Variants in COBL observed in about 807,000 individuals in gnomAD.
The protein encoded by COBL is protein cordon-bleu.
In COBL, 51 loss-of-function variants were observed where a neutral mutation model predicts 98.8. The ratio of observed to expected loss-of-function variants is 0.52; its 90% CI spans 0.41 to 0.65. The LOEUF (loss-of-function observed/expected upper bound fraction) is 0.65, where lower values mean the gene tolerates loss of function less well. Among genes scored for constraint, COBL ranks in the 30% least tolerant of loss-of-function variants. COBL has a pLI of 0.00. For synonymous variants in COBL, 634 were observed against 651.7 expected (o/e 0.97, Z 0.41); for missense variants, 1,617 against 1,617.5 (o/e 1.00, Z 0.01).
At chr7:51,039,854 T>G (rs1788997034) in intron 8 of COBL, among the ~76,000 whole-genome samples, 1 of 152,208 alleles carries the variant, frequency 6.6e-6, no homozygotes, top group Admixed American at 6.5e-5. Context: ...AGACATCACA[T>G]AAAAATCTAG....
intron 5 of COBL, among the ~76,000 whole-genome samples, chr7:51,140,567 A>C (rs1282082018): frequency 6.6e-6 from 1 of 152,172 alleles, no homozygotes; most frequent in East Asian, 1.9e-4. Context: ...ATATATATGT[A>C]CATATTTGAT....
intron 1 of COBL, 69 bp downstream of exon 1, chr7:51,316,524 G>A (rs1272561415): frequency 8.8e-7 from 1 of 1,131,478 alleles, no homozygotes; most frequent in Non-Finnish European, 1.1e-6. Context: ...GGGAGCGCGC[G>A]GTGCGGACGC....
chr7:51,061,950 T>TACACACACACACACACACACAC (rs3047134), intron 7 of COBL, among the ~76,000 whole-genome samples: 2 of 145,448 alleles, frequency 1.4e-5, no homozygotes, highest in African/African-American at 5.4e-5. Context: ...CCACCATAGA[T>TACACACACACACACACACACAC]ACACACACAC....
At chr7:51,133,595 G>A (rs545966087) in intron 6 of COBL, among the ~76,000 whole-genome samples, 10 of 152,276 alleles carry the variant, frequency 6.6e-5, no homozygotes, top group African/African-American at 1.9e-4. Context: ...TCTGATGCCC[G>A]CTCAAGTCTC....
At chr7:51,140,073 G>A (rs1479917496) in intron 5 of COBL, among the ~76,000 whole-genome samples, 1 of 152,188 alleles carries the variant, frequency 6.6e-6, no homozygotes, top group Non-Finnish European at 1.5e-5. Context: ...AAAATCCACA[G>A]ATGTTGGCAG....
chr7:51,224,126 C>T lies in COBL; in HGVS notation c.42-4182G>A, dbSNP rs577145410. 3.3e-5 allele frequency among the ~76,000 whole-genome samples: 5 copies of T among 152,316 alleles called. No homozygotes were observed. In the South Asian group the frequency reaches 1.0e-3, roughly 32 times the overall value. Reference sequence around the variant, plus strand: ...CCCAGGAACAATAGGCTACAGCATACAGCTAGGTGTGTAGTAGGCTCTACC... The same window carrying T: ...CCCAGGAACAATAGGCTACAGCATATAGCTAGGTGTGTAGTAGGCTCTACC... On this transcript the variant is annotated intron_variant, in intron 1 of 12. Transcript: ENST00000265136.
chr7:51,042,888 C>G (rs773040111), intron 8 of COBL, among the ~76,000 whole-genome samples: 13 of 152,198 alleles, frequency 8.5e-5, no homozygotes, highest in Non-Finnish European at 4.4e-5. Context: ...ACCTTGCAGA[C>G]ACTGGGGGGC....
chr7:51,070,656 G>A (rs1202969624), intron 7 of COBL, among the ~76,000 whole-genome samples: 2 of 152,186 alleles, frequency 1.3e-5, no homozygotes, highest in East Asian at 3.8e-4. Context: ...TACATTACAT[G>A]AGCTATGGAA....
chr7:51,217,684 G>GC (rs1793209776), intron 2 of COBL, among the ~76,000 whole-genome samples: 1 of 151,980 alleles, frequency 6.6e-6, no homozygotes, highest in East Asian at 1.9e-4. Context: ...CTAGGAATTG[G>GC]GCTAAAATAT....
At chr7:51,102,271 A>G (rs900566479) in intron 6 of COBL, among the ~76,000 whole-genome samples, 18 of 152,206 alleles carry the variant, frequency 1.2e-4, no homozygotes, top group South Asian at 6.2e-4. Flanking sequence ...ACTTTCCCCA[A>G]TAGCAGAAAC....
intron 6 of COBL, among the ~76,000 whole-genome samples, chr7:51,133,314 T>G (rs1309389350): frequency 6.6e-6 from 1 of 152,212 alleles, no homozygotes; most frequent in East Asian, 1.9e-4. Flanking sequence ...TATGGAAAAC[T>G]GCATATAATT....
chr7:51,078,171 T>C (rs1391422694), intron 7 of COBL, among the ~76,000 whole-genome samples: 1 of 152,204 alleles, frequency 6.6e-6, no homozygotes, highest in African/African-American at 2.4e-5. Context: ...CTAAGGTCAT[T>C]CCATTCTTGC....
At chr7:51,227,884 A>G (rs1794357613) in intron 1 of COBL, among the ~76,000 whole-genome samples, 2 of 152,212 alleles carry the variant, frequency 1.3e-5, no homozygotes, top group South Asian at 4.1e-4. Context: ...GAAAGCCAGA[A>G]AAACAGTCAA....
chr7:51,122,377 G>T (rs1439895238), intron 6 of COBL, among the ~76,000 whole-genome samples: 2 of 152,186 alleles, frequency 1.3e-5, no homozygotes, highest in African/African-American at 4.8e-5. Flanking sequence ...GTGTCGGACA[G>T]GAACTCGGCT....
chr7:51,147,899 C>T (rs768910440), intron 5 of COBL, among the ~76,000 whole-genome samples: 50 of 151,994 alleles, frequency 3.3e-4, no homozygotes, highest in East Asian at 7.8e-4. Context: ...TACAGGCACC[C>T]GCCACCACAC....
intron 4 of COBL, among the ~76,000 whole-genome samples, chr7:51,189,267 C>T (rs1208109197): frequency 1.3e-5 from 2 of 152,086 alleles, no homozygotes; most frequent in African/African-American, 4.8e-5. Context: ...AAGACAAGGG[C>T]GGACTTGGCG....
At chr7:51,237,538 T>TAAAAA (rs5884200) in intron 1 of COBL, among the ~76,000 whole-genome samples, 14 of 132,752 alleles carry the variant, frequency 1.1e-4, no homozygotes, top group South Asian at 2.4e-4. Flanking sequence ...TTTTTTTTCT[T>TAAAAA]AAAAAAAAAA....
At chr7:51,291,891 T>C (rs903519321) in intron 1 of COBL, among the ~76,000 whole-genome samples, 40 of 152,156 alleles carry the variant, frequency 2.6e-4, no homozygotes, top group African/African-American at 9.7e-4. Flanking sequence ...CCAGGCACAG[T>C]GGCTCACACC....
intron 2 of COBL, among the ~76,000 whole-genome samples, chr7:51,215,153 G>A (rs898987016): frequency 3.9e-5 from 6 of 152,094 alleles, no homozygotes; most frequent in Non-Finnish European, 7.4e-5. Context: ...CCTCCCTTAC[G>A]TATAACTGGT....
Sources: gnomAD v4.1 joint callset for allele counts (sites outside exome capture counted in the v4.1 genomes callset) on GRCh38, gnomAD v4.1.1 for gene constraint, MANE v1.5 for transcripts, NCBI Gene and HGNC (gene_info 2026-07-23, HGNC 2026-07-21) for gene names.